CDS1: variants seen among roughly 807,000 people sequenced by gnomAD.
The protein encoded by CDS1 is phosphatidate cytidylyltransferase 1.
Under a neutral mutation model 62.1 loss-of-function variants are expected in CDS1, and 41 were observed. The observed-to-expected ratio is 0.66, with a 90% CI of 0.51 to 0.86. The LOEUF (loss-of-function observed/expected upper bound fraction) is 0.86. Among genes scored for constraint, CDS1 ranks in the 40% least tolerant of loss-of-function variants. CDS1 has a pLI of 0.00. For synonymous variants in CDS1, 185 were observed against 192.6 expected, an observed-to-expected ratio of 0.96 and a Z score of 0.32; for missense variants, 470 against 550.1, an observed-to-expected ratio of 0.85 and a Z score of 1.46.
In CDS1 at chr4:84,621,053, TC is replaced by T. The variant is rs368225665; in HGVS notation, c.580+1522del. On this transcript the variant is annotated intron_variant, in intron 5 of 12. Transcript: ENST00000295887. ...CCAGCCTGGGCAACAAGAGGGAACC[TC>T]CATCTCAAAAAGCAAACAAACAAAC... is the stretch of plus-strand genomic sequence containing the variant. 8.7e-4 allele frequency among the ~76,000 whole-genome samples: 132 copies of T among 152,320 alleles called. 1 individual carries two copies. Among genetic ancestry groups the T allele is most frequent in the African/African-American group, 3.2e-3 (131 of 41,558 alleles).
intron 4 of CDS1, among the ~76,000 whole-genome samples, chr4:84,619,113 T>C (rs570906938): frequency 6.6e-4 from 91 of 138,692 alleles, no homozygotes; most frequent in Admixed American, 9.4e-4. Flanking sequence ...GGGTGAGGGA[T>C]TGTGTGTGTG....
Position 84,609,469 on chromosome 4 carries a change from A to G in CDS1, c.286A>G (p.Met96Val), listed in dbSNP as rs1251264556. ...WWIRGILTLT[M>V]ISLFFLIIYM... is the part of the protein sequence containing the mutation. The stretch of plus-strand genomic sequence containing the variant: ...GATACGTGGAATTCTCACTCTAACT[A>G]TGATCTCGTTGTTTTTCCTGATCAT... The change falls in exon 3 of 13, where the codon ATG becomes GTG. Residue 96 changes from methionine to valine, a missense_variant. By Grantham distance (21) the Met-to-Val change is conservative. Around this residue, in one of 5 missense-constraint regions of CDS1, gnomAD observed 150 missense variants for 142.0 expected, o/e 1.06. Transcript: ENST00000295887. 2 of 1,611,704 alleles carry G rather than the reference A, an allele frequency of 1.2e-6. No individual in the cohort carries two copies.
chr4:84,635,617 GCCTGCCTGCCTTCCTTCCTTCCTT>G (rs1724166276), intron 8 of CDS1, among the ~76,000 whole-genome samples: 10 of 91,656 alleles, frequency 1.1e-4, no homozygotes, highest in African/African-American at 4.2e-4. Context: ...CTGCCTGCCT[GCCTGCCTGCCTTCCTTCCTTCCTT>G]CCTTCCTTCC....
chr4:84,629,561 A>T (rs753339434), intron 5 of CDS1, among the ~76,000 whole-genome samples: 30 of 152,216 alleles, frequency 2.0e-4, no homozygotes, highest in Non-Finnish European at 1.8e-4. Flanking sequence ...ATACCATTTT[A>T]TATAAGGGAC....
At chr4:84,589,967 C>T (rs1173661494) in intron 1 of CDS1, among the ~76,000 whole-genome samples, 3 of 152,304 alleles carry the variant, frequency 2.0e-5, no homozygotes, top group South Asian at 2.1e-4. Flanking sequence ...CCCGCCACCA[C>T]GCCTGGCTAA....
chr4:84,615,473 C>T (rs1723460133), intron 3 of CDS1, among the ~76,000 whole-genome samples: 2 of 152,082 alleles, frequency 1.3e-5, no homozygotes, highest in African/African-American at 4.8e-5. Context: ...CTTACCCCCA[C>T]CTTTGTCTTC....
intron 3 of CDS1, among the ~76,000 whole-genome samples, chr4:84,610,105 A>G (rs1282524053): frequency 2.6e-5 from 4 of 152,218 alleles, no homozygotes; most frequent in Non-Finnish European, 5.9e-5. Context: ...TGTAATAGGA[A>G]AAACATACAA....
intron 1 of CDS1, among the ~76,000 whole-genome samples, chr4:84,596,802 G>A (rs1722765857): frequency 6.6e-6 from 1 of 152,194 alleles, no homozygotes; most frequent in Non-Finnish European, 1.5e-5. Context: ...ATACCTTAAA[G>A]ATAAATAGGC....
chr4:84,592,250 G>A (rs1026756183), intron 1 of CDS1, among the ~76,000 whole-genome samples: 14 of 131,054 alleles, frequency 1.1e-4, no homozygotes, highest in African/African-American at 3.8e-4. Context: ...TACAAGCTTC[G>A]CCTCCCCCGC....
At chr4:84,592,153 A>G (rs1012235207) in intron 1 of CDS1, among the ~76,000 whole-genome samples, 2 of 98,468 alleles carry the variant, frequency 2.0e-5, no homozygotes, top group Admixed American at 1.1e-4. Context: ...ATTAATGACC[A>G]ATTTTTTTTT....
At chr4:84,614,562 C>T (rs1723428607) in intron 3 of CDS1, among the ~76,000 whole-genome samples, 1 of 152,006 alleles carries the variant, frequency 6.6e-6, no homozygotes, top group Non-Finnish European at 1.5e-5. Flanking sequence ...TGAAAATAGA[C>T]ACTTATTTGA....
chr4:84,633,020 A>G (rs1267293285), intron 6 of CDS1, among the ~76,000 whole-genome samples: 1 of 152,158 alleles, frequency 6.6e-6, no homozygotes, highest in Non-Finnish European at 1.5e-5. Flanking sequence ...GCTACTGGGG[A>G]GGCTGAGGCA....
At chr4:84,630,338 G>A (rs1188957145) in intron 5 of CDS1, among the ~76,000 whole-genome samples, 1 of 152,048 alleles carries the variant, frequency 6.6e-6, no homozygotes, top group African/African-American at 2.4e-5. Flanking sequence ...TGTCCCTATT[G>A]CTTGTGCAGG....
rs1724692995 is a variant in CDS1, at chr4:84,650,259, A to G, written c.*1573A>G. On this transcript the variant is annotated 3_prime_UTR_variant, in exon 13 of 13. Coordinates refer to ENST00000295887, the MANE Select transcript of CDS1 (RefSeq NM_001263.4). Reference sequence around the variant, plus strand: ...TAGGTGCACTCGGTACCAAGAGTCCATTTTATGGTCCAGCATATACTCCAT... The same window carrying G: ...TAGGTGCACTCGGTACCAAGAGTCCGTTTTATGGTCCAGCATATACTCCAT... 1.3e-5 allele frequency: 2 copies of G among 152,260 alleles called. No individual in the cohort carries two copies. The highest frequency in any genetic ancestry group is 6.5e-5 in the Admixed American group (1 of 15,310). 9.4% of individuals were successfully genotyped at this position (152,260 alleles called of 1,614,324 possible). A position where few individuals can be genotyped will look rare whatever the true frequency, so the allele number is the denominator to read the frequency against.
intron 1 of CDS1, among the ~76,000 whole-genome samples, chr4:84,589,839 C>G (rs1444166371): frequency 2.0e-5 from 3 of 151,944 alleles, no homozygotes; most frequent in African/African-American, 7.3e-5. Context: ...GAGACGGAGT[C>G]TCACTCTGTT....
In CDS1 at chr4:84,619,473, G is replaced by C; in HGVS notation, c.520G>C (p.Glu174Gln). 6.2e-7 allele frequency: 1 copy of C among 1,604,344 alleles called. No homozygotes were observed. The highest frequency in any genetic ancestry group is 8.5e-7 in the Non-Finnish European group (1 of 1,173,058). Residue 174 changes from glutamate (E) to glutamine (Q), a missense_variant, in exon 5 of 13, where the codon GAA (glutamate) becomes CAA (glutamine). Physicochemically the swap from Glu to Gln is conservative, Grantham distance 29 (BLOSUM62 2). Around this residue, in one of 5 missense-constraint regions of CDS1, gnomAD observed 214 missense variants for 242.4 expected, o/e 0.88. Coordinates refer to ENST00000295887, the MANE Select transcript of CDS1 (RefSeq NM_001263.4). Reference sequence around the variant, plus strand: ...TTTTGCTACATTTGTTCAAAGAGAAGAACAACTTCAGTTCCTCATTCGCTA... The same window carrying C: ...TTTTGCTACATTTGTTCAAAGAGAACAACAACTTCAGTTCCTCATTCGCTA... Reference protein sequence around the residue: ...DYFATFVQREEQLQFLIRYHR... With the variant: ...DYFATFVQREQQLQFLIRYHR...
intron 6 of CDS1, among the ~76,000 whole-genome samples, chr4:84,633,350 AAGAT>A (rs1206382257): frequency 6.6e-6 from 1 of 152,218 alleles, no homozygotes; most frequent in Admixed American, 6.5e-5. Context: ...TCAAGTATGA[AAGAT>A]AGAGTTTAAG....
intron 1 of CDS1, among the ~76,000 whole-genome samples, chr4:84,588,029 G>T (rs528011859): frequency 3.9e-5 from 6 of 152,200 alleles, no homozygotes; most frequent in Non-Finnish European, 8.8e-5. Context: ...GCTTTGCAGG[G>T]CTGTTTGTTT....
chr4:84,609,397 C>T lies in CDS1; in HGVS notation c.246-32C>T, dbSNP rs77560480. ...AACCACACAAAAAACCTTAAGAACA[C>T]GTTAAATACTAACTTTACATTTTCT... On this transcript the variant is annotated intron_variant, in intron 2 of 12. Coordinates refer to ENST00000295887, the MANE Select transcript of CDS1 (RefSeq NM_001263.4). The T allele has an allele frequency of 1.1e-3, 1,494 of 1,366,992 alleles. 11 individuals carry two copies. The African/African-American group carries it at 0.019, about 17-fold the overall frequency. The allele number at this position is 1,366,992 out of a possible 1,614,324, so 84.7% of individuals were successfully genotyped here. A position where few individuals can be genotyped will look rare whatever the true frequency, so the allele number is the denominator to read the frequency against.
Sources: allele counts gnomAD v4.1 joint callset (sites outside exome capture counted in the v4.1 genomes callset), GRCh38; gene constraint gnomAD v4.1.1; regional missense constraint gnomAD v4.1.1; transcripts MANE v1.5; gene names NCBI Gene and HGNC (gene_info 2026-07-23, HGNC 2026-07-21).